The following CCDC63 variants were observed in gnomAD, a reference collection of about 807,000 sequenced individuals.
CCDC63 encodes the protein coiled-coil domain-containing protein 63.
In CCDC63, 54 loss-of-function variants were observed where a neutral mutation model predicts 63.6. That is an observed-to-expected ratio of 0.85 (90% confidence interval 0.68 to 1.07). CCDC63 has a LOEUF of 1.07. Ranked by LOEUF, CCDC63 falls within the 50% of genes least tolerant of loss-of-function variation. The pLI is 0.00. For synonymous variants in CCDC63, 253 were observed against 266.1 expected, an observed-to-expected ratio of 0.95 and a Z score of 0.48; for missense variants, 637 against 689.6, an observed-to-expected ratio of 0.92 and a Z score of 0.86.
chr12:110,868,129 C>G (rs1230135275), intron 4 of CCDC63, among the ~76,000 whole-genome samples: 21 of 141,852 alleles, frequency 1.5e-4, no homozygotes, highest in African/African-American at 4.6e-4. Flanking sequence ...ACATTTCAGA[C>G]GATGGGCGGC....
At chr12:110,901,097 T>C (rs1592789660) in intron 10 of CCDC63, among the ~76,000 whole-genome samples, 2 of 152,352 alleles carry the variant, frequency 1.3e-5, no homozygotes, top group South Asian at 2.1e-4. Context: ...TGATAAACCA[T>C]ATAGTGCAAA....
chr12:110,895,783 A>G lies in CCDC63; in HGVS notation c.1149+2633A>G, dbSNP rs142646425. Among the ~76,000 whole-genome samples the G allele has an allele frequency of 2.5e-3, 388 of 152,362 alleles. 1 individual carries two copies. Among genetic ancestry groups the G allele is most frequent in the African/African-American group, 8.9e-3 (371 of 41,584 alleles). ...GGCACACTGTAATGCAGAGAGCTGT[A>G]CATTGTAGCTATTATTATTGTTGTT... On this transcript the variant is annotated intron_variant, in intron 9 of 11. Transcript: ENST00000308208.
At chr12:110,846,509 T>C (rs978766844), upstream of CCDC63, among the ~76,000 whole-genome samples, 2 of 151,944 alleles carry the variant, frequency 1.3e-5, no homozygotes, top group Non-Finnish European at 2.9e-5. Flanking sequence ...TCTCATGAAA[T>C]ATCTCTTTCC....
intron 5 of CCDC63, among the ~76,000 whole-genome samples, chr12:110,876,671 T>C (rs1415739963): frequency 6.6e-6 from 1 of 152,114 alleles, no homozygotes; most frequent in Non-Finnish European, 1.5e-5. Context: ...TTTTTTGTAG[T>C]TGTCTCTTTT....
intron 4 of CCDC63, among the ~76,000 whole-genome samples, chr12:110,864,582 C>T (rs1197213455): frequency 6.6e-6 from 1 of 152,006 alleles, no homozygotes; most frequent in East Asian, 1.9e-4. Context: ...TGGTGCATGC[C>T]TGTGATCCCA....
At chr12:110,874,216 A>G (rs1024859810) in intron 5 of CCDC63, among the ~76,000 whole-genome samples, 3 of 151,768 alleles carry the variant, frequency 2.0e-5, no homozygotes, top group Non-Finnish European at 4.4e-5. Context: ...TCTGCCTCCA[A>G]ACTTCCTGTT....
chr12:110,856,087 CTTTTT>C, intron 3 of CCDC63, among the ~76,000 whole-genome samples: 1 of 130,368 alleles, frequency 7.7e-6, no homozygotes, highest in African/African-American at 2.8e-5. Context: ...TTTTTTTTTT[CTTTTT>C]TTTTTTTTTT....
chr12:110,895,107 TTTAA>T (rs1179729678), intron 9 of CCDC63, among the ~76,000 whole-genome samples: 30 of 149,968 alleles, frequency 2.0e-4, no homozygotes, highest in African/African-American at 3.2e-4. Flanking sequence ...ATTTTTTAAT[TTTAA>T]TTAATTAATT....
At chr12:110,876,138 C>T (rs1238213872) in intron 5 of CCDC63, among the ~76,000 whole-genome samples, 4 of 150,634 alleles carry the variant, frequency 2.7e-5, no homozygotes, top group Non-Finnish European at 5.9e-5. Flanking sequence ...AGGCAGCCAT[C>T]TCTAAAGGCA....
At chr12:110,879,103 T>C (rs2071167627) in intron 5 of CCDC63, among the ~76,000 whole-genome samples, 1 of 152,218 alleles carries the variant, frequency 6.6e-6, no homozygotes, top group Non-Finnish European at 1.5e-5. Flanking sequence ...TTAAACTTTT[T>C]CTTTCACAGT....
rs756920352 is a variant in CCDC63 at position 110,907,370 on chromosome 12, T to G, written c.1586T>G (p.Val529Gly). Residue 529 changes from valine to glycine, a missense_variant, in exon 12 of 12, where the codon GTT becomes GGT. Coordinates refer to ENST00000308208, the MANE Select transcript of CCDC63 (RefSeq NM_152591.3). This position sits in a 1 kb window ranked among gnomAD's most constrained non-coding sequence, Gnocchi z 4.4. ...GACCACAGCAGCCTTCGGCAGCTGG[T>G]TCTCGACAATTATATCCTGAAGGAG... The part of the protein sequence containing the change: ...PLDHSSLRQL[V>G]LDNYILKENR... 6 of 1,613,980 alleles carry G rather than the reference T, an allele frequency of 3.7e-6. No homozygotes were observed. In the African/African-American group the frequency reaches 6.7e-5, roughly 18 times the overall value.
intron 11 of CCDC63, among the ~76,000 whole-genome samples, chr12:110,906,262 A>G (rs1014104434): frequency 1.4e-5 from 2 of 140,880 alleles, no homozygotes; most frequent in African/African-American, 5.4e-5. Flanking sequence ...TAAGAGATAT[A>G]AGACATGTGA....
chr12:110,882,546 C>G (rs1049319933), intron 7 of CCDC63, among the ~76,000 whole-genome samples: 27 of 151,394 alleles, frequency 1.8e-4, no homozygotes, highest in Admixed American at 1.5e-3. Flanking sequence ...GCCTGGGTGA[C>G]AGAGTGAGAC....
At chr12:110,853,015 T>G (rs768512908) in intron 2 of CCDC63, 52 bp downstream of exon 2, 1 of 1,581,832 alleles carries the variant, frequency 6.3e-7, no homozygotes, top group East Asian at 2.2e-5. Context: ...GGTCAGGCAC[T>G]GTGCCATCCA....
intron 10 of CCDC63, among the ~76,000 whole-genome samples, chr12:110,900,600 CT>C (rs745415057): frequency 2.3e-3 from 318 of 137,246 alleles, no homozygotes; most frequent in Middle Eastern, 7.7e-3. Context: ...ACCTCAGATT[CT>C]TTTTTTTTTT....
At chr12:110,852,536 C>T (rs190540011) in intron 1 of CCDC63, among the ~76,000 whole-genome samples, 4 of 152,270 alleles carry the variant, frequency 2.6e-5, no homozygotes, top group Admixed American at 6.5e-5. Flanking sequence ...TGCTGGGTTA[C>T]AGGCATAAGC....
Position 110,884,147 on chromosome 12 carries a change from A to G in CCDC63, c.971A>G (p.Glu324Gly), listed in dbSNP as rs374881315. The G allele has an allele frequency of 6.2e-7, 1 of 1,614,170 alleles. No individual in the cohort carries two copies. Among genetic ancestry groups the G allele is most frequent in the Non-Finnish European group, 8.5e-7 (1 of 1,180,032 alleles). The change falls in exon 8 of 12, where the codon GAA becomes GGA. Residue 324 changes from glutamate (E) to glycine (G), a missense_variant. Transcript: ENST00000308208. ...AGTGGGAACCTAAACCAGCTCATTG[A>G]AGATTTTCTGGCCAAGGAGGAGAAG... ...AESGNLNQLI[E>G]DFLAKEEKNF...
chr12:110,858,719 G>C lies in CCDC63; in HGVS notation c.313G>C (p.Asp105His). 1 of 1,614,096 alleles carries C rather than the reference G, an allele frequency of 6.2e-7. No individual in the cohort carries two copies. ...GCGACTCCTGCTCCAAACTAAGGAG[G>C]ACTATGAGGCATTGATTAAATCCCT... ...ELRLLLQTKEDYEALIKSLKV... is the reference protein window; with the variant it reads ...ELRLLLQTKEHYEALIKSLKV... Residue 105 changes from aspartate to histidine, a missense_variant, in exon 4 of 12, where the codon GAC becomes CAC. Transcript: ENST00000308208.
At chr12:110,894,553 G>C (rs2076199646) in intron 9 of CCDC63, among the ~76,000 whole-genome samples, 1 of 152,148 alleles carries the variant, frequency 6.6e-6, no homozygotes, top group African/African-American at 2.4e-5. Context: ...TAGGCCACTG[G>C]ATGGCAGCAA....
Sources: gnomAD v4.1 joint callset for allele counts (sites outside exome capture counted in the v4.1 genomes callset) on GRCh38, gnomAD v4.1.1 for gene constraint, Gnocchi (gnomAD v3.1) non-coding constraint, MANE v1.5 for transcripts, NCBI Gene and HGNC (gene_info 2026-07-23, HGNC 2026-07-21) for gene names.